Variants in SEC23IP observed in about 807,000 individuals in gnomAD.
SEC23IP encodes the protein SEC23-interacting protein.
SEC23IP carries 70 observed loss-of-function variants against 113.4 expected under a neutral mutation model. The observed-to-expected ratio is 0.62, with a 90% CI of 0.51 to 0.75. The LOEUF (loss-of-function observed/expected upper bound fraction) is 0.75. Ranked by LOEUF, SEC23IP falls within the 30% of genes least tolerant of loss-of-function variation. The probability of loss-of-function intolerance (pLI) is 0.00; values close to 1 mark genes in which losing one functional copy is unlikely to be tolerated. For synonymous variants in SEC23IP, 398 were observed against 421.0 expected, an observed-to-expected ratio of 0.95 and a Z score of 0.67; for missense variants, 1,160 against 1,204.9, an observed-to-expected ratio of 0.96 and a Z score of 0.55.
chr10:119,896,012 G>C (rs1380787419), intron 1 of SEC23IP, among the ~76,000 whole-genome samples: 1 of 152,210 alleles, frequency 6.6e-6, no homozygotes, highest in African/African-American at 2.4e-5. Context: ...AAAGACTGGA[G>C]TTTTCTCTAG....
Position 119,917,889 on chromosome 10 carries a change from A to G in SEC23IP, c.1598A>G (p.Asn533Ser), listed in dbSNP as rs371628667. Residue 533 changes from asparagine to serine, a missense_variant, in exon 9 of 19, where the codon AAT (asparagine) becomes AGT (serine). Coordinates refer to ENST00000369075, the MANE Select transcript of SEC23IP (RefSeq NM_007190.4). ...ATTGGTCGATTTCGTCACTTTACCAATGAAACTTTGCTAGATATTTTATTT... is the reference window on the plus strand; with the variant it reads ...ATTGGTCGATTTCGTCACTTTACCAGTGAAACTTTGCTAGATATTTTATTT... Reference protein sequence around the residue: ...PSIGRFRHFTNETLLDILFYN... With the variant: ...PSIGRFRHFTSETLLDILFYN... 1.7e-5 allele frequency: 27 copies of G among 1,613,994 alleles called. No homozygotes were observed. The highest frequency in any genetic ancestry group is 4.0e-5 in the African/African-American group (3 of 74,938).
At chr10:119,893,369 C>G (rs1245259461) in intron 1 of SEC23IP, among the ~76,000 whole-genome samples, 1 of 151,998 alleles carries the variant, frequency 6.6e-6, no homozygotes, top group Non-Finnish European at 1.5e-5. Flanking sequence ...TCCTAGGATA[C>G]GGTACACTGT....
In SEC23IP at chr10:119,917,873, T is replaced by C; in HGVS notation, c.1582T>C (p.Phe528Leu). The C allele has an allele frequency of 1.2e-6, 2 of 1,614,052 alleles. No individual in the cohort carries two copies. The highest frequency in any genetic ancestry group is 1.1e-5 in the South Asian group (1 of 91,090). The change falls in exon 9 of 19, where the codon TTT becomes CTT. Residue 528 changes from phenylalanine (F) to leucine (L), a missense_variant. Coordinates refer to ENST00000369075, the MANE Select transcript of SEC23IP (RefSeq NM_007190.4). ...AATCACTTTGCCAAGTATTGGTCGATTTCGTCACTTTACCAATGAAACTTT... is the reference window on the plus strand; with the variant it reads ...AATCACTTTGCCAAGTATTGGTCGACTTCGTCACTTTACCAATGAAACTTT... The part of the protein sequence containing the change: ...KKITLPSIGR[F>L]RHFTNETLLD...
chr10:119,906,392 A>G (rs1394760134), intron 4 of SEC23IP, among the ~76,000 whole-genome samples: 1 of 151,140 alleles, frequency 6.6e-6, no homozygotes, highest in African/African-American at 2.4e-5. Context: ...GGCAATCCCA[A>G]TCAAAATTCA....
At chr10:119,925,341 C>T (rs760505993) in intron 12 of SEC23IP, among the ~76,000 whole-genome samples, 2 of 152,074 alleles carry the variant, frequency 1.3e-5, no homozygotes, top group Admixed American at 6.6e-5. Context: ...AGTATGTATT[C>T]TTTTATACCT....
rs761050395 is a variant in SEC23IP at position 119,909,068 on chromosome 10, A to G, written c.1129A>G (p.Asn377Asp). The G allele has an allele frequency of 1.2e-6, 2 of 1,612,708 alleles. No individual in the cohort carries two copies. Among genetic ancestry groups the G allele is most frequent in the South Asian group, 1.1e-5 (1 of 90,888 alleles). The change falls in exon 5 of 19, where the codon AAT (asparagine) becomes GAT (aspartate). Residue 377 changes from asparagine (N) to aspartate (D), a missense_variant. Coordinates refer to ENST00000369075, the MANE Select transcript of SEC23IP (RefSeq NM_007190.4). ...TGAATATAAAAAAGCTGTAACCACT[A>G]ATCAGTGGCACCGAAGATTAGAGTT... ...EAEYKKAVTT[N>D]QWHRRLEFPS... is the part of the protein sequence containing the mutation.
rs1295304116 is a variant in SEC23IP, at chr10:119,898,726, T to C, written c.463T>C (p.Tyr155His). Reference protein sequence around the residue: ...PPSSLMGINSYLPSQPSSLPP... With the variant: ...PPSSLMGINSHLPSQPSSLPP... ...TTCCTCACTGATGGGAATAAATTCT[T>C]ATCTGCCTTCTCAGCCAAGTAGTCT... Residue 155 changes from tyrosine to histidine, a missense_variant, in exon 2 of 19, where the codon TAT becomes CAT. Physicochemically the swap from Tyr to His is moderately conservative, Grantham distance 83. Transcript: ENST00000369075. 2 of 1,614,076 alleles carry C rather than the reference T, an allele frequency of 1.2e-6. No homozygotes were observed. The highest frequency in any genetic ancestry group is 1.3e-5 in the African/African-American group (1 of 74,918).
In SEC23IP at chr10:119,933,142, G is replaced by T. The variant is rs1463817666; in HGVS notation, c.2896G>T (p.Ala966Ser). The part of the protein sequence containing the change: ...PIESFNEYLF[A>S]LQSHLCYWES... ...AGAGAGTTTTAATGAATACCTTTTC[G>T]CTCTTCAGAGTCACTTATGCTATTG... Residue 966 changes from alanine (A) to serine (S), a missense_variant, in exon 17 of 19, where the codon GCT becomes TCT. Coordinates refer to ENST00000369075, the MANE Select transcript of SEC23IP (RefSeq NM_007190.4). The T allele has an allele frequency of 6.2e-7, 1 of 1,613,736 alleles. No individual in the cohort carries two copies. Among genetic ancestry groups the T allele is most frequent in the South Asian group, 1.1e-5 (1 of 91,042 alleles).
rs775937240 is a variant in SEC23IP, at chr10:119,892,732, TG to T, written c.-49del. On this transcript the variant is annotated 5_prime_UTR_variant, in exon 1 of 19. Coordinates refer to ENST00000369075, the MANE Select transcript of SEC23IP (RefSeq NM_007190.4). ...AGGAGCGTGATCGGTTTCCGGTCAGTGGTGTGGTACCGGGTACCCGGAGACG... is the reference window on the plus strand; with the variant it reads ...AGGAGCGTGATCGGTTTCCGGTCAGTGTGTGGTACCGGGTACCCGGAGACG... 1 of 1,541,978 alleles carries T rather than the reference TG, an allele frequency of 6.5e-7. No individual in the cohort carries two copies. The highest frequency in any genetic ancestry group is 8.8e-7 in the Non-Finnish European group (1 of 1,141,132).
chr10:119,922,123 G>T (rs370797242), intron 12 of SEC23IP, among the ~76,000 whole-genome samples: 15 of 152,236 alleles, frequency 9.9e-5, no homozygotes, highest in African/African-American at 3.6e-4. Context: ...CCATAATAGC[G>T]TGCTGTGTGT....
Position 119,942,411 on chromosome 10 carries a change from T to A in SEC23IP, c.*1846T>A, listed in dbSNP as rs1855991262. On this transcript the variant is annotated 3_prime_UTR_variant, in exon 19 of 19. Coordinates refer to ENST00000369075, the MANE Select transcript of SEC23IP (RefSeq NM_007190.4). ...CTCTTAAAAACCAAAAAACAGTAGATCCCCTGAGGGTAGAGTCTTTATGTA... is the reference window on the plus strand; with the variant it reads ...CTCTTAAAAACCAAAAAACAGTAGAACCCCTGAGGGTAGAGTCTTTATGTA... 1 of 152,110 alleles carries A rather than the reference T, an allele frequency of 6.6e-6. No homozygotes were observed. Among genetic ancestry groups the A allele is most frequent in the African/African-American group, 2.4e-5 (1 of 41,410 alleles). The allele number at this position is 152,110 out of a possible 1,614,324, so 9.4% of individuals were successfully genotyped here.
chr10:119,902,593 A>C (rs1466932080), intron 2 of SEC23IP, among the ~76,000 whole-genome samples: 1 of 152,138 alleles, frequency 6.6e-6, no homozygotes, highest in Non-Finnish European at 1.5e-5. Flanking sequence ...GGGTATAGAT[A>C]TCCCTCACCT....
chr10:119,893,032 G>T, intron 1 of SEC23IP, 87 bp downstream of exon 1: 6 of 1,429,852 alleles, frequency 4.2e-6, no homozygotes, highest in Non-Finnish European at 4.8e-6. Flanking sequence ...TTTTCCTTCT[G>T]CCTCGAGCTA....
intron 2 of SEC23IP, among the ~76,000 whole-genome samples, chr10:119,900,708 C>T (rs941970515): frequency 6.6e-6 from 1 of 152,118 alleles, no homozygotes; most frequent in Non-Finnish European, 1.5e-5. Context: ...GATCTTCCTG[C>T]CTCAGCCTAC....
chr10:119,897,897 C>T lies in SEC23IP; in HGVS notation c.164-530C>T, dbSNP rs1443036282. Among the ~76,000 whole-genome samples, 8 of 150,754 alleles carry T rather than the reference C, an allele frequency of 5.3e-5. No homozygotes were observed. In the East Asian group the frequency reaches 7.8e-4, roughly 15 times the overall value. ...GTGGGTGCCTGTAATCCCAGCTACT[C>T]GGGAGGCTGAGGCAGGAGAATGGCG... On this transcript the variant is annotated intron_variant, in intron 1 of 18. Coordinates refer to ENST00000369075, the MANE Select transcript of SEC23IP (RefSeq NM_007190.4).
At chr10:119,928,690 A>T (rs1420445102) in intron 13 of SEC23IP, among the ~76,000 whole-genome samples, 1 of 152,232 alleles carries the variant, frequency 6.6e-6, no homozygotes, top group Non-Finnish European at 1.5e-5. Flanking sequence ...AAATAAAAAG[A>T]CACATTTCCT....
intron 6 of SEC23IP, 74 bp from the exon 7 acceptor site, chr10:119,914,656 T>G: frequency 8.6e-7 from 1 of 1,164,406 alleles, no homozygotes; most frequent in Non-Finnish European, 1.3e-6. Flanking sequence ...GAAAGGGATA[T>G]CTAGAATATT....
At chr10:119,902,305 C>CCGT (rs1289257944) in intron 2 of SEC23IP, among the ~76,000 whole-genome samples, 1 of 152,102 alleles carries the variant, frequency 6.6e-6, no homozygotes, top group Admixed American at 6.6e-5. Context: ...GTGCATTGCG[C>CCGT]CGTTGCACTC....
intron 16 of SEC23IP, 97 bp from the exon 17 acceptor site, chr10:119,932,908 C>A: frequency 2.9e-6 from 3 of 1,049,266 alleles, no homozygotes; most frequent in South Asian, 3.2e-5. Flanking sequence ...TTGCTACATG[C>A]GTCAAGCAGT....
Sources: gnomAD v4.1 joint callset for allele counts (sites outside exome capture counted in the v4.1 genomes callset) on GRCh38, gnomAD v4.1.1 for gene constraint, MANE v1.5 for transcripts, NCBI Gene and HGNC (gene_info 2026-07-23, HGNC 2026-07-21) for gene names.